RIPOR2: variants seen among roughly 807,000 people sequenced by gnomAD.
RIPOR2 encodes the protein RHO family interacting cell polarization regulator 2.
RIPOR2 carries 39 observed loss-of-function variants against 114.5 expected under a neutral mutation model. That is an observed-to-expected ratio of 0.34 (90% CI 0.26 to 0.44). RIPOR2 has a LOEUF of 0.44. Among genes scored for constraint, RIPOR2 ranks in the 20% least tolerant of loss-of-function variants. RIPOR2 has a pLI of 1.00. For missense variants in RIPOR2, 1,007 were observed against 1,255.1 expected (o/e 0.80, Z 2.99); for synonymous variants, 445 against 484.4 (o/e 0.92, Z 1.07).
In RIPOR2 at chr6:25,022,532, A is replaced by ATTTTTTTTTTTTTTTTTTTTTT. The variant is rs10564019; in HGVS notation, c.76+19297_76+19318dup. On this transcript the variant is annotated intron_variant, in intron 1 of 13. Coordinates refer to the RIPOR2 transcript ENST00000510784. ...ACATATAACTAATGTGGTACCTTCC[A>ATTTTTTTTTTTTTTTTTTTTTT]TTTTTTTTTTTTTTTTTTTTTTTTT... 2.4e-4 allele frequency among the ~76,000 whole-genome samples: 10 copies of ATTTTTTTTTTTTTTTTTTTTTT among 40,994 alleles called. 1 individual carries two copies. Among genetic ancestry groups the ATTTTTTTTTTTTTTTTTTTTTT allele is most frequent in the Admixed American group, 3.7e-4 (1 of 2,704 alleles). The allele number at this position is 40,994 out of a possible 152,430, so 26.9% of individuals were successfully genotyped here.
chr6:24,970,690 A>G (rs1351184526), intron 1 of RIPOR2, among the ~76,000 whole-genome samples: 1 of 152,222 alleles, frequency 6.6e-6, no homozygotes, highest in Non-Finnish European at 1.5e-5. Flanking sequence ...TGTGTATTTA[A>G]GGAACTGCGG....
intron 1 of RIPOR2, among the ~76,000 whole-genome samples, chr6:25,002,371 A>G (rs1775361286): frequency 6.6e-6 from 1 of 152,130 alleles, no homozygotes; most frequent in African/African-American, 2.4e-5. Flanking sequence ...GATAACAACC[A>G]CCTGTTACAG....
intron 1 of RIPOR2, among the ~76,000 whole-genome samples, chr6:24,914,925 A>T (rs1450344334): frequency 6.6e-6 from 1 of 152,202 alleles, no homozygotes; most frequent in African/African-American, 2.4e-5. Context: ...ATTTGGTTGT[A>T]CCTACCGACC....
intron 9 of RIPOR2, 133 bp from the exon 10 acceptor site, chr6:24,850,855 T>C (rs1432233787): frequency 9.9e-7 from 1 of 1,014,614 alleles, no homozygotes; most frequent in African/African-American, 1.6e-5. Flanking sequence ...TCCACCCCCT[T>C]ACTCTTGGGT....
chr6:25,009,210 T>C (rs998834359), intron 1 of RIPOR2, among the ~76,000 whole-genome samples: 1 of 152,188 alleles, frequency 6.6e-6, no homozygotes, highest in African/African-American at 2.4e-5. Flanking sequence ...CTAAGACCAG[T>C]GTCAAAAACA....
chr6:24,979,479 G>C (rs539307543), intron 1 of RIPOR2, among the ~76,000 whole-genome samples: 7 of 152,182 alleles, frequency 4.6e-5, no homozygotes, highest in Non-Finnish European at 1.0e-4. Flanking sequence ...AAAAGGTCCT[G>C]ATAGAATTAA....
chr6:24,946,393 G>T (rs1166683080), intron 1 of RIPOR2, among the ~76,000 whole-genome samples: 1 of 151,992 alleles, frequency 6.6e-6, no homozygotes, highest in Admixed American at 6.6e-5. Context: ...CATTTTTAAA[G>T]CCCAAAGTAG....
chr6:24,881,270 C>T (rs6930916), intron 1 of RIPOR2, among the ~76,000 whole-genome samples: 28,701 of 152,086 alleles, frequency 0.19, 3,199 homozygotes, highest in East Asian at 0.32. Flanking sequence ...ATTGACGTCT[C>T]ACCTGGTCTT....
intron 21 of RIPOR2, 30 bp downstream of exon 21, chr6:24,809,687 A>C (rs1368728869): frequency 7.1e-7 from 1 of 1,406,448 alleles, no homozygotes; most frequent in Admixed American, 2.0e-5. Context: ...AGAAGCAAAC[A>C]ATCATGTAAA....
chr6:25,009,619 G>C (rs10214565), intron 1 of RIPOR2, among the ~76,000 whole-genome samples: 2,143 of 152,272 alleles, frequency 0.014, 39 homozygotes, highest in African/African-American at 0.043. Flanking sequence ...AAGTTGGCTT[G>C]TAAATCAGCG....
intron 1 of RIPOR2, among the ~76,000 whole-genome samples, chr6:24,978,652 A>G (rs1208471029): frequency 6.6e-6 from 1 of 152,184 alleles, no homozygotes; most frequent in African/African-American, 2.4e-5. Flanking sequence ...GAGGTTGGGA[A>G]TATTGCTCTG....
intron 6 of RIPOR2, among the ~76,000 whole-genome samples, chr6:24,868,672 C>T (rs1017260187): frequency 7.9e-5 from 12 of 152,028 alleles, no homozygotes; most frequent in African/African-American, 1.7e-4. Flanking sequence ...TTGAGGGAGG[C>T]GCTGAGACAG....
Position 24,825,415 on chromosome 6 carries a change from C to G in RIPOR2, c.2679G>C (p.Gln893His). Residue 893 changes from glutamine (Q) to histidine (H), a missense_variant, in exon 19 of 22, where the codon CAG becomes CAC. Transcript: ENST00000643898. Reference protein sequence around the residue: ...SQLARQVSMVQTLQSLRDEKL... With the variant: ...SQLARQVSMVHTLQSLRDEKL... ...TTTCATCTCTTAGTGATTGCAGAGT[C>G]TGAACCATGGAAACTGGAGGGTAAG... 6.4e-7 allele frequency: 1 copy of G among 1,551,906 alleles called. No individual in the cohort carries two copies. The highest frequency in any genetic ancestry group is 8.7e-7 in the Non-Finnish European group (1 of 1,146,844).
chr6:24,952,347 T>G (rs977641768), intron 1 of RIPOR2, among the ~76,000 whole-genome samples: 1 of 152,210 alleles, frequency 6.6e-6, no homozygotes, highest in African/African-American at 2.4e-5. Flanking sequence ...CTGGGGATCC[T>G]GTCATGTTGG....
intron 1 of RIPOR2, among the ~76,000 whole-genome samples, chr6:24,910,109 G>C (rs1049623243): frequency 1.3e-5 from 2 of 152,134 alleles, no homozygotes; most frequent in African/African-American, 4.8e-5. Context: ...CACATGCTCC[G>C]CTTGACCAGC....
In RIPOR2 at chr6:24,839,504, A is replaced by T. The variant is rs1029129012; in HGVS notation, c.1858-232T>A. The T allele has an allele frequency of 1.6e-5, 23 of 1,402,660 alleles. No homozygotes were observed. The East Asian group carries it at 5.5e-4, about 33-fold the overall frequency. The allele number at this position is 1,402,660 out of a possible 1,614,324, so 86.9% of individuals were successfully genotyped here. A position where few individuals can be genotyped will look rare whatever the true frequency, so the allele number is the denominator to read the frequency against. On this transcript the variant is annotated intron_variant, in intron 13 of 21. Transcript: ENST00000643898. ...CAGAAGAATCCAGAGGGAAGTCAGC[A>T]GGTTGAAGAATAGGAAACAAGATTG...
At chr6:24,864,023 C>A (rs908194416) in intron 7 of RIPOR2, among the ~76,000 whole-genome samples, 1 of 152,136 alleles carries the variant, frequency 6.6e-6, no homozygotes, top group South Asian at 2.1e-4. Flanking sequence ...TATTCTAGGC[C>A]GGGCTCAGTG....
chr6:24,864,442 C>G (rs746793231), intron 7 of RIPOR2, among the ~76,000 whole-genome samples: 4 of 152,128 alleles, frequency 2.6e-5, no homozygotes, highest in Non-Finnish European at 5.9e-5. Flanking sequence ...CGGGAGTGTA[C>G]ACACAAAGGG....
intron 1 of RIPOR2, among the ~76,000 whole-genome samples, chr6:25,001,952 C>T (rs557206879): frequency 1.3e-4 from 20 of 152,152 alleles, no homozygotes; most frequent in Non-Finnish European, 2.1e-4. Flanking sequence ...TTGTGATCCA[C>T]CCGCCTCAGC....
Sources: allele counts gnomAD v4.1 joint callset (sites outside exome capture counted in the v4.1 genomes callset), GRCh38; gene constraint gnomAD v4.1.1; transcripts MANE v1.5; gene names NCBI Gene and HGNC (gene_info 2026-07-23, HGNC 2026-07-21).